NYAP2: variants seen among roughly 807,000 people sequenced by gnomAD.
The protein encoded by NYAP2 is neuronal tyrosine-phosphorylated phosphoinositide-3-kinase adaptor 2, also known as neuronal tyrosine-phosphorylated phosphoinositide-3-kinase adapter 2.
A neutral mutation model predicts 50.4 loss-of-function variants in NYAP2; 23 were observed. That is an observed-to-expected ratio of 0.46 (90% CI 0.33 to 0.65). NYAP2 has a LOEUF of 0.65. Ranked by LOEUF, NYAP2 falls within the 30% of genes least tolerant of loss-of-function variation. The pLI, the probability that NYAP2 is intolerant of heterozygous loss-of-function variation, is 0.02. For missense variants in NYAP2, 885 were observed against 861.0 expected, an observed-to-expected ratio of 1.03 and a Z score of -0.35; for synonymous variants, 394 against 365.2, an observed-to-expected ratio of 1.08 and a Z score of -0.90.
At chr2:225,566,380 C>T (rs376418790) in intron 4 of NYAP2, among the ~76,000 whole-genome samples, 2 of 152,298 alleles carry the variant, frequency 1.3e-5, no homozygotes, top group African/African-American at 4.8e-5. Flanking sequence ...CCAGGACAGA[C>T]TTCCAAAGGA....
Position 225,473,702 on chromosome 2 carries a change from G to T in NYAP2, c.222-39669G>T, listed in dbSNP as rs560885217. On this transcript the variant is annotated intron_variant, in intron 3 of 6. Coordinates refer to ENST00000636099, the Ensembl canonical transcript of NYAP2. The stretch of plus-strand genomic sequence containing the variant: ...TTGTTTGAGTTCTTTGTAGATTCTG[G>T]ATATTAGCCCTTTGTCAGATGAGTA... Among the ~76,000 whole-genome samples, 375 of 152,280 alleles carry T rather than the reference G, an allele frequency of 2.5e-3. 1 individual carries two copies. Among genetic ancestry groups the T allele is most frequent in the Admixed American group, 8.3e-3 (127 of 15,300 alleles).
At chr2:225,556,807 T>G (rs12991126) in intron 4 of NYAP2, among the ~76,000 whole-genome samples, 1 of 152,030 alleles carries the variant, frequency 6.6e-6, no homozygotes, top group Non-Finnish European at 1.5e-5. Flanking sequence ...TGTAGCATAC[T>G]TCCCCATTGA....
At chr2:225,589,962 A>G (rs1692468278) in intron 5 of NYAP2, among the ~76,000 whole-genome samples, 1 of 152,054 alleles carries the variant, frequency 6.6e-6, no homozygotes, top group Non-Finnish European at 1.5e-5. Context: ...GGTAACTTGG[A>G]GCAACCTGAC....
intron 5 of NYAP2, among the ~76,000 whole-genome samples, chr2:225,611,706 C>T (rs1359016940): frequency 6.6e-6 from 1 of 151,790 alleles, no homozygotes; most frequent in Admixed American, 6.6e-5. Flanking sequence ...TTCTCCCTAC[C>T]TTACATTAGG....
chr2:225,539,767 A>G (rs1262303158), intron 4 of NYAP2, among the ~76,000 whole-genome samples: 1 of 152,024 alleles, frequency 6.6e-6, no homozygotes, highest in Non-Finnish European at 1.5e-5. Context: ...AGATGGATAG[A>G]TTGCAAAAAT....
At chr2:225,662,776 C>T in the NYAP2 span, among the ~76,000 whole-genome samples, 11 of 152,130 alleles carry the variant, frequency 7.2e-5, no homozygotes, top group Admixed American at 4.6e-4. Context: ...AGAGGTTTTT[C>T]GGGAGAAACC....
At chr2:225,620,147 A>G (rs1193917527) in intron 5 of NYAP2, among the ~76,000 whole-genome samples, 1 of 152,212 alleles carries the variant, frequency 6.6e-6, no homozygotes, top group Non-Finnish European at 1.5e-5. Context: ...TTTTCAACAG[A>G]CTTTAAAAAG....
At chr2:225,411,276 GAATT>G (rs942650746) in intron 3 of NYAP2, among the ~76,000 whole-genome samples, 1 of 152,100 alleles carries the variant, frequency 6.6e-6, no homozygotes, top group African/African-American at 2.4e-5. Flanking sequence ...CAAGAGAAAA[GAATT>G]AATTAGAGGT....
chr2:225,679,198 CTTTA>C, the NYAP2 span, among the ~76,000 whole-genome samples: 91,782 of 151,204 alleles, frequency 0.61, 29,341 homozygotes, highest in South Asian at 0.82. Flanking sequence ...AAAGCAAGTA[CTTTA>C]TTTGAGAAAA....
At chr2:225,471,329 T>C (rs1690009880) in intron 3 of NYAP2, among the ~76,000 whole-genome samples, 1 of 152,270 alleles carries the variant, frequency 6.6e-6, no homozygotes, top group African/African-American at 2.4e-5. Context: ...TTAATTATTT[T>C]ACTGCTTAGA....
At chr2:225,700,807 A>G in the NYAP2 span, 3 of 151,752 alleles carry the variant, frequency 2.0e-5, no homozygotes, top group Admixed American at 2.0e-4. Context: ...TCTTTCCCAT[A>G]TCACTCTGAT....
chr2:225,578,054 C>T (rs1396223029), intron 4 of NYAP2, among the ~76,000 whole-genome samples: 1 of 152,038 alleles, frequency 6.6e-6, no homozygotes, highest in Non-Finnish European at 1.5e-5. Flanking sequence ...GCCTCAGCCT[C>T]TTGAGATACT....
chr2:225,479,205 C>G (rs1690166436), intron 3 of NYAP2, among the ~76,000 whole-genome samples: 1 of 152,168 alleles, frequency 6.6e-6, no homozygotes, highest in South Asian at 2.1e-4. Flanking sequence ...CTTCTCTCTA[C>G]TCTTCAGCCA....
chr2:225,632,445 G>C (rs1027220558), intron 6 of NYAP2, among the ~76,000 whole-genome samples: 1 of 152,128 alleles, frequency 6.6e-6, no homozygotes, highest in Non-Finnish European at 1.5e-5. Flanking sequence ...CCAGTCACAG[G>C]CTATTGCTTT....
At chr2:225,526,060 G>A (rs555356523) in intron 4 of NYAP2, among the ~76,000 whole-genome samples, 9 of 152,286 alleles carry the variant, frequency 5.9e-5, no homozygotes, top group Non-Finnish European at 1.2e-4. Context: ...GAGCCTGGAA[G>A]TAGATTTTTC....
At chr2:225,475,943 G>A (rs574950013) in intron 3 of NYAP2, among the ~76,000 whole-genome samples, 6 of 152,292 alleles carry the variant, frequency 3.9e-5, no homozygotes, top group Admixed American at 6.5e-5. Context: ...AGAGCTTCCA[G>A]AACTGCAGAG....
At chr2:225,611,901 TACACACAC>T (rs147331159) in intron 5 of NYAP2, among the ~76,000 whole-genome samples, 10,638 of 145,472 alleles carry the variant, frequency 0.073, 466 homozygotes, top group African/African-American at 0.11. Flanking sequence ...TGTGTGTGTA[TACACACAC>T]ACACACACAC....
chr2:225,411,379 A>T (rs902544073), intron 3 of NYAP2, among the ~76,000 whole-genome samples: 1 of 152,148 alleles, frequency 6.6e-6, no homozygotes, highest in Admixed American at 6.6e-5. Context: ...ATGCAATGGC[A>T]AAGACTAAAA....
chr2:225,478,607 T>C (rs1449614299), intron 3 of NYAP2, among the ~76,000 whole-genome samples: 1 of 152,156 alleles, frequency 6.6e-6, no homozygotes, highest in East Asian at 1.9e-4. Context: ...TTCTAATCAG[T>C]CCATCACTCA....
Sources: allele counts gnomAD v4.1 joint callset (sites outside exome capture counted in the v4.1 genomes callset), GRCh38; gene constraint gnomAD v4.1.1; transcripts MANE v1.5; gene names NCBI Gene and HGNC (gene_info 2026-07-23, HGNC 2026-07-21).